Variants in POTEC observed in about 807,000 individuals in gnomAD.
POTEC encodes the protein ANKRD26-like family B member 2.
A neutral mutation model predicts 62.0 loss-of-function variants in POTEC; 35 were observed. The ratio of observed to expected loss-of-function variants is 0.56; its 90% CI spans 0.43 to 0.75. The LOEUF (loss-of-function observed/expected upper bound fraction) is 0.75, where lower values mean the gene tolerates loss of function less well. Ranked by LOEUF, POTEC falls within the 30% of genes least tolerant of loss-of-function variation. The pLI, the probability that POTEC is intolerant of heterozygous loss-of-function variation, is 0.00. For synonymous variants in POTEC, 156 were observed against 221.5 expected (o/e 0.70, Z 2.62); for missense variants, 472 against 655.9 (o/e 0.72, Z 3.06).
In POTEC at chr18:14,536,814, T is replaced by C. The variant is rs545468805; in HGVS notation, c.810+987A>G. Among the ~76,000 whole-genome samples the C allele has an allele frequency of 3.3e-5, 5 of 152,120 alleles. No homozygotes were observed. In the South Asian group the frequency reaches 1.0e-3, roughly 32 times the overall value. On this transcript the variant is annotated intron_variant, in intron 3 of 10. Coordinates refer to ENST00000358970, the MANE Select transcript of POTEC (RefSeq NM_001137671.2). Reference sequence around the variant, plus strand: ...ACCACAAAATTTTCCCCAGTAAGAGTAGAACAAGGTCTAGTAAACTCAAAA... The same window carrying C: ...ACCACAAAATTTTCCCCAGTAAGAGCAGAACAAGGTCTAGTAAACTCAAAA...
intron 1 of POTEC, among the ~76,000 whole-genome samples, chr18:14,542,317 AAC>A (rs1440848617): frequency 6.6e-6 from 1 of 152,256 alleles, no homozygotes; most frequent in Non-Finnish European, 1.5e-5. Context: ...TAGTGTATAG[AAC>A]ATTGTTTTAA....
chr18:14,511,299 A>C lies in POTEC; in HGVS notation c.*599T>G, dbSNP rs1213860511. ...AGGCCTGCTTACAGAAGCATTCTGG[A>C]CATGATTTGGTAAAGCAGCTGTGCT... On this transcript the variant is annotated 3_prime_UTR_variant, in exon 11 of 11. Coordinates refer to ENST00000358970, the MANE Select transcript of POTEC (RefSeq NM_001137671.2). The C allele has an allele frequency of 9.8e-5, 18 of 184,548 alleles. No homozygotes were observed. Among genetic ancestry groups the C allele is most frequent in the Non-Finnish European group, 1.7e-4 (15 of 88,750 alleles). 11.4% of individuals were successfully genotyped at this position (184,548 alleles called of 1,614,324 possible).
rs1909876051 is a variant in POTEC at position 14,507,488 on chromosome 18, T to G, written c.*4410A>C. 1 of 151,876 alleles carries G rather than the reference T, an allele frequency of 6.6e-6. No homozygotes were observed. The highest frequency in any genetic ancestry group is 2.1e-4 in the South Asian group (1 of 4,802). The allele number at this position is 151,876 out of a possible 1,614,324, so 9.4% of individuals were successfully genotyped here. Reference sequence around the variant, plus strand: ...TGTATGGCACTGCATGTGAGATGGGTTTCTTGAAGACGGCATACTCCAATG... The same window carrying G: ...TGTATGGCACTGCATGTGAGATGGGGTTCTTGAAGACGGCATACTCCAATG... On this transcript the variant is annotated 3_prime_UTR_variant, in exon 11 of 11. Transcript: ENST00000358970.
intron 10 of POTEC, 146 bp from the exon 11 acceptor site, chr18:14,512,139 T>A: frequency 1.6e-6 from 1 of 614,920 alleles, no homozygotes; most frequent in Non-Finnish European, 2.7e-6. Context: ...GGACAAAACT[T>A]CAAATCTAAA....
chr18:14,531,115 G>A (rs534214404), intron 5 of POTEC, among the ~76,000 whole-genome samples: 1 of 152,192 alleles, frequency 6.6e-6, no homozygotes, highest in African/African-American at 2.4e-5. Flanking sequence ...TTCAGAAAAT[G>A]TCATTAAGTC....
At chr18:14,537,197 AC>A (rs1905751590) in intron 3 of POTEC, among the ~76,000 whole-genome samples, 2 of 84,650 alleles carry the variant, frequency 2.4e-5, no homozygotes, top group African/African-American at 7.5e-5. Flanking sequence ...ACACACACAC[AC>A]ACACACACAC....
chr18:14,523,946 T>A (rs1212394181), intron 7 of POTEC, among the ~76,000 whole-genome samples: 1 of 152,182 alleles, frequency 6.6e-6, no homozygotes. Context: ...TGAGCCCTTG[T>A]AGTGCACTGA....
At chr18:14,540,193 G>A (rs1905885201) in intron 1 of POTEC, among the ~76,000 whole-genome samples, 2 of 151,980 alleles carry the variant, frequency 1.3e-5, no homozygotes, top group South Asian at 2.1e-4. Context: ...GTAAACAGAA[G>A]CCCTCTACTT....
In POTEC at chr18:14,537,941, T is replaced by G. The variant is rs1249793009; in HGVS notation, c.670A>C (p.Met224Leu). Residue 224 changes from methionine to leucine, a missense_variant, in exon 3 of 11, where the codon ATG becomes CTG. Met to Leu is a conservative substitution (Grantham distance 15, BLOSUM62 2). Coordinates refer to ENST00000358970, the MANE Select transcript of POTEC (RefSeq NM_001137671.2). ...TGATCAGCGCCATGTTCCAGCAACA[T>G]TAACACACATTCATCTTCCTGGCAT... ...VQCQEDECVL[M>L]LLEHGADQNI... 6.2e-7 allele frequency: 1 copy of G among 1,612,566 alleles called. No homozygotes were observed.
At position 14,510,481 on chromosome 18, in the gene POTEC, A is replaced by AT. The variant is rs542475500; in HGVS notation, c.*1416dup. Reference sequence around the variant, plus strand: ...AGGAGATATGGAAATGGGCACCCACATAACAGTCTGGCCACTTTTCTGTGG... The same window carrying AT: ...AGGAGATATGGAAATGGGCACCCACATTAACAGTCTGGCCACTTTTCTGTGG... On this transcript the variant is annotated 3_prime_UTR_variant, in exon 11 of 11. Coordinates refer to ENST00000358970, the MANE Select transcript of POTEC (RefSeq NM_001137671.2). 1.1e-4 allele frequency: 16 copies of AT among 151,956 alleles called. No individual in the cohort carries two copies. In the East Asian group the frequency reaches 3.1e-3, roughly 30 times the overall value. 9.4% of individuals were successfully genotyped at this position (151,956 alleles called of 1,614,324 possible). A position where few individuals can be genotyped will look rare whatever the true frequency, so the allele number is the denominator to read the frequency against.
chr18:14,528,825 C>T (rs1910506421), intron 6 of POTEC: 6 of 393,200 alleles, frequency 1.5e-5, no homozygotes, highest in Non-Finnish European at 2.5e-5. Flanking sequence ...ATAAACTTGC[C>T]TTAGCTAAGT....
chr18:14,516,678 C>A, intron 9 of POTEC, among the ~76,000 whole-genome samples: 1 of 146,678 alleles, frequency 6.8e-6, no homozygotes, highest in Non-Finnish European at 1.5e-5. Context: ...GGGGGTGTAT[C>A]CTTACTTTTA....
At position 14,522,173 on chromosome 18, in the gene POTEC, G is replaced by T. The variant is rs889609936; in HGVS notation, c.1409+81C>A. ...ATATTCTAGTAAAAGTATAAAATTT[G>T]TTCATCATGAATATTAGCCCAAATT... On this transcript the variant is annotated intron_variant, in intron 9 of 10. Coordinates refer to ENST00000358970, the MANE Select transcript of POTEC (RefSeq NM_001137671.2). The T allele has an allele frequency of 5.0e-6, 8 of 1,584,744 alleles. No homozygotes were observed. In the Admixed American group the frequency reaches 5.7e-5, roughly 11 times the overall value.
chr18:14,528,572 T>A lies in POTEC; in HGVS notation c.1126+1911A>T, dbSNP rs537182133. The stretch of plus-strand genomic sequence containing the variant: ...AATGTTGTGTTGTGAGAACAAGATG[T>A]TTGGAGCTGCTGCGGATTAGCCAAC... On this transcript the variant is annotated intron_variant, in intron 6 of 10. Transcript: ENST00000358970. Among the ~76,000 whole-genome samples, 112 of 152,058 alleles carry A rather than the reference T, an allele frequency of 7.4e-4. 1 individual carries two copies. Among genetic ancestry groups the A allele is most frequent in the African/African-American group, 2.0e-3 (84 of 41,486 alleles).
In POTEC at chr18:14,507,382, G is replaced by T. The variant is rs1909870435; in HGVS notation, c.*4516C>A. 6.6e-6 allele frequency: 1 copy of T among 150,910 alleles called. No homozygotes were observed. The highest frequency in any genetic ancestry group is 1.5e-5 in the Non-Finnish European group (1 of 67,802). 9.3% of individuals were successfully genotyped at this position (150,910 alleles called of 1,614,324 possible). On this transcript the variant is annotated 3_prime_UTR_variant, in exon 11 of 11. Coordinates refer to ENST00000358970, the MANE Select transcript of POTEC (RefSeq NM_001137671.2). ...TTTATTGGTATAGTCTGTTTTGTCA[G>T]AAACTAGGAGTGCAACACCTGCTTT...
intron 9 of POTEC, among the ~76,000 whole-genome samples, chr18:14,517,064 A>G (rs1009405345): frequency 2.0e-5 from 3 of 149,898 alleles, no homozygotes; most frequent in Non-Finnish European, 4.4e-5. Context: ...ATTTTAAGGA[A>G]TAAATTATAC....
rs1909887341 is a variant in POTEC, at chr18:14,507,833, A to G, written c.*4065T>C. 1 of 152,268 alleles carries G rather than the reference A, an allele frequency of 6.6e-6. No individual in the cohort carries two copies. The highest frequency in any genetic ancestry group is 1.5e-5 in the Non-Finnish European group (1 of 68,024). 9.4% of individuals were successfully genotyped at this position (152,268 alleles called of 1,614,324 possible). On this transcript the variant is annotated 3_prime_UTR_variant, in exon 11 of 11. Coordinates refer to ENST00000358970, the MANE Select transcript of POTEC (RefSeq NM_001137671.2). ...AAACGATCTTGTTTCTCCTTCACTT[A>G]TGATGCTTAATTTTGCTGGACATGA... is the stretch of plus-strand genomic sequence containing the variant.
intron 4 of POTEC, among the ~76,000 whole-genome samples, chr18:14,534,042 T>C (rs1905622783): frequency 6.7e-6 from 1 of 149,358 alleles, no homozygotes; most frequent in African/African-American, 2.5e-5. Context: ...TCATCTAGCA[T>C]TAGGTATATC....
At chr18:14,513,146 C>T (rs1305299115) in intron 10 of POTEC, among the ~76,000 whole-genome samples, 5 of 151,488 alleles carry the variant, frequency 3.3e-5, no homozygotes, top group African/African-American at 1.2e-4. Context: ...AAGCTCTTTG[C>T]ATTGAAATGA....
Sources: allele counts gnomAD v4.1 joint callset (sites outside exome capture counted in the v4.1 genomes callset), GRCh38; gene constraint gnomAD v4.1.1; transcripts MANE v1.5; gene names NCBI Gene and HGNC (gene_info 2026-07-23, HGNC 2026-07-21).